DOCK10: variants seen among roughly 807,000 people sequenced by gnomAD.
DOCK10 encodes the protein dedicator of cytokinesis protein 10.
Under a neutral mutation model 280.1 loss-of-function variants are expected in DOCK10, and 145 were observed. The observed-to-expected ratio is 0.52, with a 90% confidence interval of 0.45 to 0.59. The LOEUF is 0.59. Ranked by LOEUF, DOCK10 falls within the 20% of genes least tolerant of loss-of-function variation. The pLI is 0.00. For missense variants in DOCK10, 2,368 were observed against 2,651.7 expected (o/e 0.89, Z 2.35); for synonymous variants, 915 against 942.2 (o/e 0.97, Z 0.53).
rs372023423 is a variant in DOCK10, at chr2:225,016,660, GATACATA to G, written c.123+25585_123+25591del. Among the ~76,000 whole-genome samples the G allele has an allele frequency of 2.1e-4, 15 of 70,472 alleles. 1 individual carries two copies. The highest frequency in any genetic ancestry group is 9.7e-4 in the South Asian group (2 of 2,072). 46.2% of individuals were successfully genotyped at this position (70,472 alleles called of 152,430 possible). A position where few individuals can be genotyped will look rare whatever the true frequency, so the allele number is the denominator to read the frequency against. On this transcript the variant is annotated intron_variant, in intron 1 of 55. Transcript: ENST00000258390. ...ATATCTATGTGCACATAGATACATA[GATACATA>G]TATCTATGTGCACATAGATATATGT...
intron 1 of DOCK10, among the ~76,000 whole-genome samples, chr2:224,952,718 A>G (rs985182427): frequency 6.7e-6 from 1 of 148,766 alleles, no homozygotes; most frequent in South Asian, 2.1e-4. Context: ...TCAGCCTCCC[A>G]AGTAGCTGGG....
rs905505308 is a variant in DOCK10 at position 224,932,028 on chromosome 2, T to C, written c.124-360A>G. Reference sequence around the variant, plus strand: ...CTGCTTACTTGCTACGGTATTATGATGATTATCATCATTTCTTCTGAATTA... The same window carrying C: ...CTGCTTACTTGCTACGGTATTATGACGATTATCATCATTTCTTCTGAATTA... On this transcript the variant is annotated intron_variant, in intron 1 of 55. Coordinates refer to ENST00000258390, the MANE Select transcript of DOCK10 (RefSeq NM_014689.3). 6.6e-5 allele frequency among the ~76,000 whole-genome samples: 10 copies of C among 152,206 alleles called. No individual in the cohort carries two copies. In the East Asian group the frequency reaches 1.9e-3, roughly 29 times the overall value.
At chr2:224,879,745 C>T (rs372648829) in intron 7 of DOCK10, among the ~76,000 whole-genome samples, 4 of 151,258 alleles carry the variant, frequency 2.6e-5, no homozygotes, top group East Asian at 3.9e-4. Flanking sequence ...GGTGACAGAG[C>T]GAGTCTCTGT....
At chr2:224,971,192 A>G (rs1250284314) in intron 1 of DOCK10, among the ~76,000 whole-genome samples, 1 of 152,212 alleles carries the variant, frequency 6.6e-6, no homozygotes, top group East Asian at 1.9e-4. Flanking sequence ...ATTTGAGCAG[A>G]ATAATGCCAC....
At chr2:224,886,886 A>AAC (rs1699321301) in intron 4 of DOCK10, among the ~76,000 whole-genome samples, 1 of 135,192 alleles carries the variant, frequency 7.4e-6, no homozygotes, top group Non-Finnish European at 1.6e-5. Context: ...AGCACCCCCA[A>AAC]CACCCCCCCA....
At chr2:225,007,797 G>A (rs73083783) in intron 1 of DOCK10, among the ~76,000 whole-genome samples, 211 of 152,232 alleles carry the variant, frequency 1.4e-3, no homozygotes, top group African/African-American at 4.6e-3. Flanking sequence ...AAAAAAGTCC[G>A]GAAGAATGAT....
chr2:224,978,990 C>G (rs147729697), intron 1 of DOCK10, among the ~76,000 whole-genome samples: 27 of 152,312 alleles, frequency 1.8e-4, no homozygotes, highest in Admixed American at 1.5e-3. Context: ...TAGGCAAACT[C>G]TATTGGTTCT....
In DOCK10 at chr2:225,025,904, CTG is replaced by C. The variant is rs140166953; in HGVS notation, c.123+16346_123+16347del. Reference sequence around the variant, plus strand: ...ATTTATGAAGCTATTATAAAACTCTCTGTCTGGAAGCAATGAGATAATAACTA... The same window carrying C: ...ATTTATGAAGCTATTATAAAACTCTCTCTGGAAGCAATGAGATAATAACTA... On this transcript the variant is annotated intron_variant, in intron 1 of 55. Transcript: ENST00000258390. 3.3e-3 allele frequency among the ~76,000 whole-genome samples: 499 copies of C among 152,250 alleles called. 16 individuals carry two copies. In the East Asian group the frequency reaches 0.078, roughly 24 times the overall value.
intron 1 of DOCK10, among the ~76,000 whole-genome samples, chr2:224,939,192 G>C (rs1258055336): frequency 6.6e-6 from 1 of 152,184 alleles, no homozygotes; most frequent in African/African-American, 2.4e-5. Context: ...ATGTTTTGCA[G>C]ATATAAGGGA....
chr2:224,932,978 A>T (rs1342841779), intron 1 of DOCK10, among the ~76,000 whole-genome samples: 1 of 152,208 alleles, frequency 6.6e-6, no homozygotes, highest in African/African-American at 2.4e-5. Flanking sequence ...CATTAGAAAA[A>T]AAAACCCAGC....
At chr2:224,934,778 T>C (rs975236821) in intron 1 of DOCK10, among the ~76,000 whole-genome samples, 4 of 152,222 alleles carry the variant, frequency 2.6e-5, no homozygotes, top group African/African-American at 9.7e-5. Context: ...CTTTTGGAAA[T>C]GCACCAACGG....
intron 1 of DOCK10, among the ~76,000 whole-genome samples, chr2:225,037,809 T>C (rs1348609719): frequency 6.6e-6 from 1 of 152,226 alleles, no homozygotes; most frequent in African/African-American, 2.4e-5. Flanking sequence ...ACATGTTGAC[T>C]CATTCTTTCA....
At chr2:224,981,255 G>A (rs1370245944) in intron 1 of DOCK10, among the ~76,000 whole-genome samples, 1 of 152,078 alleles carries the variant, frequency 6.6e-6, no homozygotes, top group Non-Finnish European at 1.5e-5. Flanking sequence ...ATATTGATTT[G>A]TTGAAGAAGT....
chr2:225,028,903 G>A (rs1689998230), intron 1 of DOCK10, among the ~76,000 whole-genome samples: 1 of 152,186 alleles, frequency 6.6e-6, no homozygotes, highest in African/African-American at 2.4e-5. Flanking sequence ...AGGCGTGTGT[G>A]CCCAGGTTAA....
At chr2:225,028,339 T>C (rs1054018784) in intron 1 of DOCK10, among the ~76,000 whole-genome samples, 1 of 152,076 alleles carries the variant, frequency 6.6e-6, no homozygotes, top group Non-Finnish European at 1.5e-5. Context: ...AAGCTGGCAA[T>C]AGACCTCAGT....
At chr2:224,903,925 A>T (rs1700447905) in intron 3 of DOCK10, among the ~76,000 whole-genome samples, 1 of 152,206 alleles carries the variant, frequency 6.6e-6, no homozygotes, top group Non-Finnish European at 1.5e-5. Flanking sequence ...AATGTGAAAC[A>T]CGTAACCATT....
intron 29 of DOCK10, among the ~76,000 whole-genome samples, chr2:224,818,656 C>T (rs188628977): frequency 1.3e-5 from 2 of 152,142 alleles, no homozygotes; most frequent in African/African-American, 2.4e-5. Context: ...CCTCGGCCTC[C>T]CAAAGTGCTG....
intron 1 of DOCK10, among the ~76,000 whole-genome samples, chr2:224,961,412 C>CTCTTTCTTTCTT (rs561597716): frequency 0.065 from 7,721 of 119,088 alleles, 427 homozygotes; most frequent in African/African-American, 0.089. Context: ...TTCTTTCTTT[C>CTCTTTCTTTCTT]TCTTTCTTTC....
At chr2:224,863,059 T>C (rs1697630632) in intron 13 of DOCK10, among the ~76,000 whole-genome samples, 1 of 152,230 alleles carries the variant, frequency 6.6e-6, no homozygotes, top group Non-Finnish European at 1.5e-5. Context: ...TTAGTACATT[T>C]ACATTTACAG....
Sources: gnomAD v4.1 joint callset for allele counts (sites outside exome capture counted in the v4.1 genomes callset) on GRCh38, gnomAD v4.1.1 for gene constraint, MANE v1.5 for transcripts, NCBI Gene and HGNC (gene_info 2026-07-23, HGNC 2026-07-21) for gene names.